Variants in KIR2DL3 observed in about 807,000 individuals in gnomAD.
The protein encoded by KIR2DL3 is killer cell immunoglobulin-like receptor 2DL3.
In KIR2DL3, 39 loss-of-function variants were observed where a neutral mutation model predicts 33.8. The observed-to-expected ratio is 1.15, with a 90% CI of 0.89 to 1.51. The LOEUF is 1.51. Ranked by LOEUF, KIR2DL3 falls within the 40% of genes most tolerant of loss-of-function variation. KIR2DL3 has a pLI of 0.00. For synonymous variants in KIR2DL3, 174 were observed against 160.2 expected (o/e 1.09, Z -0.65); for missense variants, 462 against 426.2 (o/e 1.08, Z -0.74).
intron 5 of KIR2DL3, among the ~76,000 whole-genome samples, 159 bp downstream of exon 5, chr19:54,747,544 C>T (rs1408413411): frequency 1.8e-4 from 27 of 150,946 alleles, no homozygotes; most frequent in African/African-American, 5.6e-4. Flanking sequence ...GATCTGGGCC[C>T]AACCTAGGGC....
At position 54,752,490 on chromosome 19, in the gene KIR2DL3, T is replaced by G; in HGVS notation, c.997T>G (p.Tyr333Asp). Residue 333 changes from tyrosine to aspartate, a missense_variant, in exon 8 of 8, where the codon TAC (tyrosine) becomes GAC (aspartate). Transcript: ENST00000342376. ...GACACCCCCAACAGATATCATCGTG[T>G]ACACGGAACTTCCAAATGCTGAGCC... is the stretch of plus-strand genomic sequence containing the variant. ...PKTPPTDIIV[Y>D]TELPNAEP is the part of the protein sequence containing the mutation. The G allele has an allele frequency of 6.8e-7, 1 of 1,463,516 alleles. No individual in the cohort carries two copies. The highest frequency in any genetic ancestry group is 9.3e-7 in the Non-Finnish European group (1 of 1,076,658). The allele number at this position is 1,463,516 out of a possible 1,614,324, so 90.7% of individuals were successfully genotyped here. A position where few individuals can be genotyped will look rare whatever the true frequency, so the allele number is the denominator to read the frequency against.
At position 54,744,919 on chromosome 19, in the gene KIR2DL3, A is replaced by ATAT. The variant is rs1568969043; in HGVS notation, c.664+831_664+832insTAT. On this transcript the variant is annotated intron_variant, in intron 4 of 7. Coordinates refer to ENST00000342376, the MANE Select transcript of KIR2DL3 (RefSeq NM_015868.3). Reference sequence around the variant, plus strand: ...ATATACACACACACACACATATATAAACATATATATATATATATATATATA... The same window carrying ATAT: ...ATATACACACACACACACATATATAATATACATATATATATATATATATATATA... Among the ~76,000 whole-genome samples the ATAT allele has an allele frequency of 1.8e-3, 72 of 40,930 alleles. 1 individual carries two copies. The highest frequency in any genetic ancestry group is 3.2e-3 in the Non-Finnish European group (59 of 18,576). 26.9% of individuals were successfully genotyped at this position (40,930 alleles called of 152,430 possible). A position where few individuals can be genotyped will look rare whatever the true frequency, so the allele number is the denominator to read the frequency against.
chr19:54,745,486 C>T (rs1291400430), intron 4 of KIR2DL3, among the ~76,000 whole-genome samples: 2 of 151,902 alleles, frequency 1.3e-5, no homozygotes, highest in African/African-American at 4.8e-5. Flanking sequence ...CCTCAGCCTC[C>T]CTAGTAGCTG....
At chr19:54,750,445 C>A (rs1443771279) in intron 5 of KIR2DL3, among the ~76,000 whole-genome samples, 1 of 140,854 alleles carries the variant, frequency 7.1e-6, no homozygotes, top group East Asian at 2.0e-4. Flanking sequence ...TAGCACGTTT[C>A]ACACGGGCTT....
chr19:54,740,829 G>A lies in KIR2DL3; in HGVS notation c.71-1151G>A, dbSNP rs369478648. Reference sequence around the variant, plus strand: ...GAGACAGCCTGGACTGTCCCACTGGGCTCAGTGTAATCACAAGGGTGCACA... The same window carrying A: ...GAGACAGCCTGGACTGTCCCACTGGACTCAGTGTAATCACAAGGGTGCACA... On this transcript the variant is annotated intron_variant, in intron 2 of 7. Coordinates refer to ENST00000342376, the MANE Select transcript of KIR2DL3 (RefSeq NM_015868.3). Among the ~76,000 whole-genome samples the A allele has an allele frequency of 1.1e-4, 17 of 152,104 alleles. No individual in the cohort carries two copies. In the East Asian group the frequency reaches 2.1e-3, roughly 19 times the overall value.
At position 54,752,838 on chromosome 19, in the gene KIR2DL3, T is replaced by C; in HGVS notation, c.*319T>C. The C allele has an allele frequency of 6.3e-6, 3 of 478,858 alleles. 1 individual carries two copies. Among genetic ancestry groups the C allele is most frequent in the Non-Finnish European group, 1.1e-5 (3 of 261,110 alleles). 29.7% of individuals were successfully genotyped at this position (478,858 alleles called of 1,614,324 possible). Reference sequence around the variant, plus strand: ...TAACTGGCTTACTTCCTAGTCTACTTGAGGCTGCAATCACACTGAGGAACT... The same window carrying C: ...TAACTGGCTTACTTCCTAGTCTACTCGAGGCTGCAATCACACTGAGGAACT... On this transcript the variant is annotated 3_prime_UTR_variant, in exon 8 of 8. Coordinates refer to ENST00000342376, the MANE Select transcript of KIR2DL3 (RefSeq NM_015868.3).
chr19:54,744,872 A>T (rs1425853687), intron 4 of KIR2DL3, among the ~76,000 whole-genome samples: 755 of 45,928 alleles, frequency 0.016, 5 homozygotes, highest in African/African-American at 0.089. Flanking sequence ...AAATACATTT[A>T]TATATATATA....
At chr19:54,748,614 A>AT (rs907543501) in intron 5 of KIR2DL3, among the ~76,000 whole-genome samples, 1 of 147,904 alleles carries the variant, frequency 6.8e-6, no homozygotes, top group African/African-American at 2.5e-5. Context: ...CATGAAATCT[A>AT]TTTTTTGTTT....
chr19:54,747,070 T>C (rs879164524), intron 4 of KIR2DL3, among the ~76,000 whole-genome samples: 9,735 of 101,176 alleles, frequency 0.096, 693 homozygotes, highest in Middle Eastern at 0.18. Context: ...TGCCTTTCTT[T>C]ATGCCAATGT....
At chr19:54,747,626 C>A (rs2072756021) in intron 5 of KIR2DL3, among the ~76,000 whole-genome samples, 1 of 152,204 alleles carries the variant, frequency 6.6e-6, no homozygotes, top group Admixed American at 6.5e-5. Flanking sequence ...GATTGCCAAT[C>A]TGACATCCTT....
chr19:54,744,897 T>TATATAC (rs1555906428), intron 4 of KIR2DL3, among the ~76,000 whole-genome samples: 2 of 57,472 alleles, frequency 3.5e-5, no homozygotes, highest in East Asian at 3.1e-4. Context: ...TATATATATA[T>TATATAC]ACACACACAC....
At chr19:54,746,492 C>T (rs2072507879) in intron 4 of KIR2DL3, among the ~76,000 whole-genome samples, 1 of 148,020 alleles carries the variant, frequency 6.8e-6, no homozygotes, top group Admixed American at 7.0e-5. Context: ...GAGCATTTCC[C>T]CAATATTTTC....
Position 54,742,265 on chromosome 19 carries a change from A to G in KIR2DL3, c.356A>G (p.Asp119Gly), listed in dbSNP as rs1202052672. The change falls in exon 3 of 8, where the codon GAC becomes GGC. Residue 119 changes from aspartate to glycine, a missense_variant. Asp to Gly is a moderately conservative substitution (Grantham distance 94, BLOSUM62 -1). Coordinates refer to ENST00000342376, the MANE Select transcript of KIR2DL3 (RefSeq NM_015868.3). ...YQLSAPSDPL[D>G]IVITGLYEKP... is the part of the protein sequence containing the mutation. ...TTGTCAGCTCCCAGTGACCCTCTGG[A>G]CATCGTCATCACAGGTGAGAGTGTC... The G allele has an allele frequency of 2.5e-6, 4 of 1,614,144 alleles. No individual in the cohort carries two copies. The highest frequency in any genetic ancestry group is 1.6e-4 in the Middle Eastern group (1 of 6,062).
rs1423969458 is a variant in KIR2DL3 at position 54,751,817 on chromosome 19, T to C, written c.820+64T>C. On this transcript the variant is annotated intron_variant, in intron 6 of 7. Transcript: ENST00000342376. ...ATGTGGGGAAGCAGGATGGGAGCAC[T>C]CAGGTGTGTGTTCCTCACAGACAGG... The C allele has an allele frequency of 5.6e-5, 67 of 1,206,996 alleles. 9 individuals carry two copies. Among genetic ancestry groups the C allele is most frequent in the Non-Finnish European group, 7.3e-5 (63 of 858,986 alleles). The allele number at this position is 1,206,996 out of a possible 1,614,324, so 74.8% of individuals were successfully genotyped here.
intron 5 of KIR2DL3, among the ~76,000 whole-genome samples, chr19:54,750,817 G>T (rs1306349773): frequency 7.4e-6 from 1 of 134,862 alleles, no homozygotes; most frequent in Non-Finnish European, 1.6e-5. Flanking sequence ...GCTCAGAAAA[G>T]CTACTCGGGA....
At position 54,746,986 on chromosome 19, in the gene KIR2DL3, G is replaced by GA. The variant is rs367591832; in HGVS notation, c.665-343dup. Among the ~76,000 whole-genome samples the GA allele has an allele frequency of 6.4e-3, 919 of 142,608 alleles. 31 individuals carry two copies. The highest frequency in any genetic ancestry group is 0.023 in the African/African-American group (875 of 38,348). The allele number at this position is 142,608 out of a possible 152,430, so 93.6% of individuals were successfully genotyped here. On this transcript the variant is annotated intron_variant, in intron 4 of 7. Coordinates refer to ENST00000342376, the MANE Select transcript of KIR2DL3 (RefSeq NM_015868.3). ...GACAGAGCGAGACTCCATCTCAAAA[G>GA]AAAAAAGAAAAAAACATTGGAGGTA... is the stretch of plus-strand genomic sequence containing the variant.
At chr19:54,739,313 G>A (rs1323664627) in intron 1 of KIR2DL3, among the ~76,000 whole-genome samples, 194 bp from the exon 2 acceptor site, 7 of 151,136 alleles carry the variant, frequency 4.6e-5, no homozygotes, top group Non-Finnish European at 4.4e-5. Flanking sequence ...ATGGGCTTGG[G>A]GTGGGGATAT....
intron 1 of KIR2DL3, among the ~76,000 whole-genome samples, 155 bp from the exon 2 acceptor site, chr19:54,739,352 C>G (rs980020541): frequency 6.6e-6 from 1 of 151,830 alleles, no homozygotes; most frequent in Non-Finnish European, 1.5e-5. Flanking sequence ...TCTGCACAGC[C>G]GACAGCCCTG....
At chr19:54,749,345 G>T (rs1274496959) in intron 5 of KIR2DL3, among the ~76,000 whole-genome samples, 86 of 144,498 alleles carry the variant, frequency 6.0e-4, no homozygotes, top group African/African-American at 2.0e-3. Flanking sequence ...CTAGGAGACC[G>T]TGGAAAAGGC....
Sources: gnomAD v4.1 joint callset for allele counts (sites outside exome capture counted in the v4.1 genomes callset) on GRCh38, gnomAD v4.1.1 for gene constraint, MANE v1.5 for transcripts, NCBI Gene and HGNC (gene_info 2026-07-23, HGNC 2026-07-21) for gene names.